BBOX1: variants seen among roughly 807,000 people sequenced by gnomAD.
BBOX1 encodes gamma-butyrobetaine dioxygenase.
BBOX1 carries 35 observed loss-of-function variants against 41.6 expected under a neutral mutation model. The ratio of observed to expected loss-of-function variants is 0.84; its 90% CI spans 0.64 to 1.11. The LOEUF (loss-of-function observed/expected upper bound fraction) is 1.11. Ranked by LOEUF, BBOX1 falls within the 50% of genes most tolerant of loss-of-function variation. The pLI, the probability that BBOX1 is intolerant of heterozygous loss-of-function variation, is 0.00. For missense variants in BBOX1, 458 were observed against 460.6 expected (o/e 0.99, Z 0.05); for synonymous variants, 163 against 154.7 (o/e 1.05, Z -0.40).
chr11:27,055,656 A>T lies in BBOX1; in HGVS notation c.219+7A>T. The T allele has an allele frequency of 1.9e-6, 3 of 1,601,972 alleles. No homozygotes were observed. The highest frequency in any genetic ancestry group is 2.2e-5 in the South Asian group (2 of 90,594). On this transcript the variant is annotated splice_region_variant and intron_variant, in intron 3 of 8. Coordinates refer to ENST00000263182, the MANE Select transcript of BBOX1 (RefSeq NM_003986.3). ...GATATTTGACAGAAAAAAGGTAATT[A>T]TCTCTAAATTATGTCTCCCTTCTTT...
intron 2 of BBOX1, chr11:27,047,395 A>T (rs1851518698): frequency 6.6e-6 from 1 of 152,200 alleles, no homozygotes; most frequent in South Asian, 2.1e-4. Flanking sequence ...CTTGGCACAG[A>T]TGTCTATAGG....
At chr11:27,058,185 T>C (rs906295773) in intron 4 of BBOX1, among the ~76,000 whole-genome samples, 3 of 152,194 alleles carry the variant, frequency 2.0e-5, no homozygotes, top group Non-Finnish European at 4.4e-5. Flanking sequence ...CTCTCTCTCC[T>C]GTTCCTGCTT....
intron 5 of BBOX1, among the ~76,000 whole-genome samples, chr11:27,102,891 C>T (rs1029948575): frequency 6.6e-6 from 1 of 152,002 alleles, no homozygotes; most frequent in African/African-American, 2.4e-5. Context: ...ATTTTCTTTT[C>T]CTTAAAAATA....
chr11:27,073,740 G>T (rs1481913470), intron 4 of BBOX1, among the ~76,000 whole-genome samples: 5 of 152,078 alleles, frequency 3.3e-5, no homozygotes, highest in Admixed American at 3.3e-4. Context: ...CCATAAAAAA[G>T]GATGAATTCA....
intron 5 of BBOX1, among the ~76,000 whole-genome samples, chr11:27,096,755 A>G (rs990185589): frequency 6.6e-6 from 1 of 152,072 alleles, no homozygotes; most frequent in African/African-American, 2.4e-5. Flanking sequence ...CTTCATATAC[A>G]GAAGGCAAGG....
At chr11:27,076,556 C>A (rs1336054845) in intron 4 of BBOX1, among the ~76,000 whole-genome samples, 5 of 152,144 alleles carry the variant, frequency 3.3e-5, no homozygotes, top group Non-Finnish European at 7.4e-5. Flanking sequence ...GTGTTAGTAG[C>A]AGTGGGATTT....
intron 2 of BBOX1, 35 bp downstream of exon 2, chr11:27,041,513 C>G (rs746183085): frequency 6.6e-6 from 1 of 152,168 alleles, no homozygotes; most frequent in Non-Finnish European, 1.5e-5. Flanking sequence ...TAAAGCATAT[C>G]TGAGAACAGG....
intron 4 of BBOX1, among the ~76,000 whole-genome samples, chr11:27,058,533 G>A (rs1251885440): frequency 6.6e-6 from 1 of 152,204 alleles, no homozygotes; most frequent in South Asian, 2.1e-4. Flanking sequence ...ACTTTGTAGA[G>A]ACTGGTTAGA....
chr11:27,118,261 T>C (rs1859336109), intron 6 of BBOX1, among the ~76,000 whole-genome samples: 1 of 151,980 alleles, frequency 6.6e-6, no homozygotes, highest in Admixed American at 6.6e-5. Context: ...GATTTTAAAA[T>C]AGCAGATGAT....
intron 4 of BBOX1, among the ~76,000 whole-genome samples, chr11:27,071,503 G>C (rs1279101322): frequency 1.3e-5 from 2 of 152,076 alleles, no homozygotes; most frequent in Admixed American, 1.3e-4. Flanking sequence ...CGTGTGAGGA[G>C]AGGCCTGGTG....
chr11:27,043,252 A>G (rs1851389861), intron 2 of BBOX1, among the ~76,000 whole-genome samples: 1 of 151,866 alleles, frequency 6.6e-6, no homozygotes, highest in South Asian at 2.1e-4. Context: ...TTTAGTAGAG[A>G]CGGGGTTTCA....
chr11:27,069,801 A>G (rs1857389171), intron 4 of BBOX1, among the ~76,000 whole-genome samples: 1 of 151,980 alleles, frequency 6.6e-6, no homozygotes, highest in South Asian at 2.1e-4. Flanking sequence ...TAGCATTTTG[A>G]GGTACGTTCC....
chr11:27,074,453 CA>C lies in BBOX1; in HGVS notation c.334+17142del, dbSNP rs112316045. 4.8e-4 allele frequency among the ~76,000 whole-genome samples: 73 copies of C among 152,114 alleles called. 2 individuals carry two copies. The highest frequency in any genetic ancestry group is 1.7e-3 in the African/African-American group (72 of 41,534). ...TAGAGGCTTGTTGAATGGTTTTAAC[CA>C]AAATGCTGATAGTGATATGGACAAT... On this transcript the variant is annotated intron_variant, in intron 4 of 8. Transcript: ENST00000263182.
rs1421266816 is a variant in BBOX1, at chr11:27,106,158, C to A, written c.534-9294C>A. ...AAACATGCACAATTGTAAAGACCAT[C>A]GATGTTAGGAAGAAACTGCATCAAC... On this transcript the variant is annotated intron_variant, in intron 5 of 8. Transcript: ENST00000263182. Among the ~76,000 whole-genome samples, 7 of 151,980 alleles carry A rather than the reference C, an allele frequency of 4.6e-5. 1 individual carries two copies. The highest frequency in any genetic ancestry group is 7.2e-5 in the African/African-American group (3 of 41,398).
intron 5 of BBOX1, among the ~76,000 whole-genome samples, chr11:27,113,739 T>A (rs909187867): frequency 1.3e-5 from 2 of 151,316 alleles, no homozygotes; most frequent in African/African-American, 4.9e-5. Flanking sequence ...AAATACTCTG[T>A]ACATAAACCC....
At chr11:27,122,595 G>A (rs950950028) in intron 7 of BBOX1, among the ~76,000 whole-genome samples, 1 of 152,100 alleles carries the variant, frequency 6.6e-6, no homozygotes. Flanking sequence ...AGATGCTTTC[G>A]AAGTCCGAAA....
chr11:27,044,859 A>G (rs1404375243), intron 2 of BBOX1, among the ~76,000 whole-genome samples: 1 of 152,188 alleles, frequency 6.6e-6, no homozygotes, highest in Non-Finnish European at 1.5e-5. Context: ...GAAGTCAGGT[A>G]GCATGATGCC....
rs1427007060 is a variant in BBOX1 at position 27,057,243 on chromosome 11, G to A, written c.262G>A (p.Ala88Thr). ...CGATGAGCATTACAGTGAATTCCAG[G>A]CTGATTGGCTGAAGAAAAGATGCTT... ...WPDEHYSEFQ[A>T]DWLKKRCFSK... Residue 88 changes from alanine to threonine, a missense_variant, in exon 4 of 9, where the codon GCT becomes ACT. Transcript: ENST00000263182. The A allele has an allele frequency of 3.1e-6, 5 of 1,611,958 alleles. No homozygotes were observed. Among genetic ancestry groups the A allele is most frequent in the East Asian group, 2.2e-5 (1 of 44,830 alleles).
intron 6 of BBOX1, 78 bp from the exon 7 acceptor site, chr11:27,119,571 T>A (rs1859390898): frequency 2.4e-6 from 2 of 847,064 alleles, no homozygotes; most frequent in Admixed American, 8.8e-5. Flanking sequence ...ATTTTATTAT[T>A]TATTTTATTG....
Sources: allele counts gnomAD v4.1 joint callset (sites outside exome capture counted in the v4.1 genomes callset), GRCh38; gene constraint gnomAD v4.1.1; transcripts MANE v1.5; gene names NCBI Gene and HGNC (gene_info 2026-07-23, HGNC 2026-07-21).